FLRT2: variants seen among roughly 807,000 people sequenced by gnomAD.
FLRT2 encodes the protein leucine-rich repeat transmembrane protein FLRT2.
A neutral mutation model predicts 40.0 loss-of-function variants in FLRT2; 15 were observed. The observed-to-expected ratio is 0.38, with a 90% CI of 0.25 to 0.58. The LOEUF (loss-of-function observed/expected upper bound fraction) is 0.58. FLRT2 is among the 20% of genes least tolerant of loss of function. The probability of loss-of-function intolerance (pLI) is 0.71; values close to 1 mark genes in which losing one functional copy is unlikely to be tolerated. For missense variants in FLRT2, 726 were observed against 840.0 expected, an observed-to-expected ratio of 0.86 and a Z score of 1.68; for synonymous variants, 380 against 336.8, an observed-to-expected ratio of 1.13 and a Z score of -1.41.
intron 1 of FLRT2, among the ~76,000 whole-genome samples, chr14:85,588,042 C>T (rs1326797300): frequency 6.6e-6 from 1 of 152,124 alleles, no homozygotes. Context: ...TGCCATTCTC[C>T]TGCCTCAGCC....
In FLRT2 at chr14:85,626,101, T is replaced by C. The variant is rs1893672284; in HGVS notation, c.*2604T>C. On this transcript the variant is annotated 3_prime_UTR_variant, in exon 2 of 2. Coordinates refer to ENST00000330753, the MANE Select transcript of FLRT2 (RefSeq NM_013231.6). Reference sequence around the variant, plus strand: ...CTTTATTTTCACCTTGTGTACAACATGGCAAAGACTGCTAAGATTAAAATC... The same window carrying C: ...CTTTATTTTCACCTTGTGTACAACACGGCAAAGACTGCTAAGATTAAAATC... 1 of 167,068 alleles carries C rather than the reference T, an allele frequency of 6.0e-6. No individual in the cohort carries two copies. The highest frequency in any genetic ancestry group is 2.1e-4 in the South Asian group (1 of 4,826). 10.3% of individuals were successfully genotyped at this position (167,068 alleles called of 1,614,324 possible).
Position 85,622,034 on chromosome 14 carries a change from G to A in FLRT2, c.520G>A (p.Val174Met). The change falls in exon 2 of 2, where the codon GTG becomes ATG. Residue 174 changes from valine (V) to methionine (M), a missense_variant. Val to Met is a conservative substitution (Grantham distance 21). This residue lies in a region of FLRT2 where 611 missense variants were observed against 690.0 expected (regional missense o/e 0.89). Coordinates refer to ENST00000330753, the MANE Select transcript of FLRT2 (RefSeq NM_013231.6). ...LFLSKNHLSS[V>M]PVGLPVDLQE... ...TTTGTCTAAGAATCACCTGAGCAGT[G>A]TGCCTGTTGGGCTTCCTGTGGACTT... The A allele has an allele frequency of 6.2e-7, 1 of 1,613,650 alleles. No homozygotes were observed. Among genetic ancestry groups the A allele is most frequent in the Non-Finnish European group, 8.5e-7 (1 of 1,179,778 alleles).
intron 1 of FLRT2, among the ~76,000 whole-genome samples, chr14:85,540,700 T>C (rs1888936004): frequency 6.9e-6 from 1 of 144,616 alleles, no homozygotes; most frequent in Non-Finnish European, 1.5e-5. Flanking sequence ...TTGTCGGAGT[T>C]CTGACACTTG....
chr14:85,620,358 T>C (rs984110418), intron 1 of FLRT2, among the ~76,000 whole-genome samples: 1 of 152,170 alleles, frequency 6.6e-6, no homozygotes, highest in African/African-American at 2.4e-5. Flanking sequence ...AGTATATGTA[T>C]AGAAAAAAGG....
At chr14:85,562,323 G>A (rs978324614) in intron 1 of FLRT2, among the ~76,000 whole-genome samples, 7 of 152,156 alleles carry the variant, frequency 4.6e-5, no homozygotes, top group Admixed American at 3.9e-4. Flanking sequence ...TAACTCAAAT[G>A]CTACATAACA....
chr14:85,582,624 T>A (rs1891441142), intron 1 of FLRT2, among the ~76,000 whole-genome samples: 1 of 152,150 alleles, frequency 6.6e-6, no homozygotes. Flanking sequence ...TGAAGACATC[T>A]CAAATAAGGT....
chr14:85,543,282 G>A (rs1440242162), intron 1 of FLRT2, among the ~76,000 whole-genome samples: 1 of 152,056 alleles, frequency 6.6e-6, no homozygotes. Flanking sequence ...TCTGACCGGA[G>A]AATCAGTGCT....
At chr14:85,570,561 TTTTATTTATTTATTTA>T (rs10684274) in intron 1 of FLRT2, among the ~76,000 whole-genome samples, 1 of 139,246 alleles carries the variant, frequency 7.2e-6, no homozygotes, top group Non-Finnish European at 1.5e-5. Context: ...TTTTTATTTA[TTTTATTTATTTATTTA>T]TTTATTTATT....
At chr14:85,536,847 G>A (rs1250101683) in intron 1 of FLRT2, among the ~76,000 whole-genome samples, 4 of 152,186 alleles carry the variant, frequency 2.6e-5, no homozygotes, top group African/African-American at 7.2e-5. Flanking sequence ...ATTCCATATA[G>A]CATTGACAGT....
chr14:85,634,725 T>C lies in FLRT2; in HGVS notation c.*11228T>C, dbSNP rs1893962185. ...ACACTCACCTCAACAGTAACCATAC[T>C]GCACAGTGCCTGACACATATAAAGT... On this transcript the variant is annotated 3_prime_UTR_variant, in exon 2 of 2. Coordinates refer to ENST00000330753, the MANE Select transcript of FLRT2 (RefSeq NM_013231.6). 6.6e-6 allele frequency: 1 copy of C among 152,204 alleles called. No homozygotes were observed. Among genetic ancestry groups the C allele is most frequent in the Non-Finnish European group, 1.5e-5 (1 of 68,040 alleles). The allele number at this position is 152,204 out of a possible 1,614,324, so 9.4% of individuals were successfully genotyped here. A position where few individuals can be genotyped will look rare whatever the true frequency, so the allele number is the denominator to read the frequency against.
chr14:85,623,016 A>G lies in FLRT2; in HGVS notation c.1502A>G (p.Tyr501Cys), dbSNP rs1893488147. The G allele has an allele frequency of 6.2e-6, 10 of 1,614,040 alleles. No individual in the cohort carries two copies. Among genetic ancestry groups the G allele is most frequent in the Non-Finnish European group, 8.5e-6 (10 of 1,180,000 alleles). Reference protein sequence around the residue: ...ICLVPLDAFNYRAVEDTICSE... With the variant: ...ICLVPLDAFNCRAVEDTICSE... ...TTAGTGCCACTGGATGCTTTTAACT[A>G]CCGCGCGGTAGAAGACACCATTTGT... The change falls in exon 2 of 2, where the codon TAC becomes TGC. Residue 501 changes from tyrosine (Y) to cysteine (C), a missense_variant. Tyr to Cys is a radical substitution (Grantham distance 194). This residue lies in a region of FLRT2 where 611 missense variants were observed against 690.0 expected (regional missense o/e 0.89). Transcript: ENST00000330753.
At chr14:85,572,482 T>C (rs1465525851) in intron 1 of FLRT2, among the ~76,000 whole-genome samples, 1 of 152,238 alleles carries the variant, frequency 6.6e-6, no homozygotes, top group African/African-American at 2.4e-5. Context: ...AGTAATTTTT[T>C]GTACTGTCTG....
intron 1 of FLRT2, among the ~76,000 whole-genome samples, chr14:85,618,179 C>T (rs1893218478): frequency 6.6e-6 from 1 of 152,186 alleles, no homozygotes; most frequent in South Asian, 2.1e-4. Context: ...AGTTGATGAA[C>T]TCTAAGCAAA....
chr14:85,558,023 A>ATAGACTTCCGTGGAAAGCATCCG (rs1566726497), intron 1 of FLRT2, among the ~76,000 whole-genome samples: 4 of 152,142 alleles, frequency 2.6e-5, no homozygotes, highest in African/African-American at 9.7e-5. Flanking sequence ...GAAAGCATCC[A>ATAGACTTCCGTGGAAAGCATCCG]TAGACTTCCG....
At position 85,623,347 on chromosome 14, in the gene FLRT2, CT is replaced by C; in HGVS notation, c.1835del (p.Leu612Ter). On this transcript the variant is annotated frameshift_variant, in exon 2 of 2. Transcript: ENST00000330753. LOFTEE classifies it high-confidence loss of function. ...MTETSFQIVS[L>X]NNDQLLKGDF... The stretch of plus-strand genomic sequence containing the variant: ...CAGAAACCAGTTTTCAGATCGTCTC[CT>C]TAAATAACGATCAACTCCTTAAAGG... The C allele has an allele frequency of 6.6e-7, 1 of 1,523,586 alleles. No individual in the cohort carries two copies. Among genetic ancestry groups the C allele is most frequent in the South Asian group, 1.3e-5 (1 of 75,740 alleles). 94.4% of individuals were successfully genotyped at this position (1,523,586 alleles called of 1,614,324 possible).
In FLRT2 at chr14:85,623,143, G is replaced by A; in HGVS notation, c.1629G>A (p.Leu543=). The A allele has an allele frequency of 6.3e-7, 1 of 1,598,800 alleles. No individual in the cohort carries two copies. Among genetic ancestry groups the A allele is most frequent in the Non-Finnish European group, 8.5e-7 (1 of 1,171,710 alleles). ...ACAGCATGGGCTCCCCCTTTCTGCT[G>A]GCGGGCTTGATCGGGGGCGCGGTGA... ...TSHSMGSPFL[L]AGLIGGAVIF... The change falls in exon 2 of 2, where the codon CTG becomes CTA. Residue 543 remains leucine (L), a synonymous_variant. Transcript: ENST00000330753.
In FLRT2 at chr14:85,544,795, G is replaced by A. The variant is rs573759292; in HGVS notation, c.-377+14261G>A. ...TTCAAACAATACTTTGTTAAGTTTC[G>A]CGGTAGATTGCCATTTGATGGACAA... On this transcript the variant is annotated intron_variant, in intron 1 of 1. Coordinates refer to ENST00000330753, the MANE Select transcript of FLRT2 (RefSeq NM_013231.6). Among the ~76,000 whole-genome samples the A allele has an allele frequency of 1.2e-4, 18 of 152,240 alleles. 1 individual carries two copies. The highest frequency in any genetic ancestry group is 3.9e-4 in the East Asian group (2 of 5,176).
At position 85,625,427 on chromosome 14, in the gene FLRT2, T is replaced by G. The variant is rs1228878307; in HGVS notation, c.*1930T>G. 1.8e-5 allele frequency: 3 copies of G among 166,926 alleles called. No individual in the cohort carries two copies. Among genetic ancestry groups the G allele is most frequent in the African/African-American group, 7.2e-5 (3 of 41,440 alleles). 10.3% of individuals were successfully genotyped at this position (166,926 alleles called of 1,614,324 possible). ...ATTTTCTTTAATAATATAGCCCAAC[T>G]TATATGTTTTAATCTCCCTTGTCCC... On this transcript the variant is annotated 3_prime_UTR_variant, in exon 2 of 2. Transcript: ENST00000330753.
intron 1 of FLRT2, among the ~76,000 whole-genome samples, chr14:85,564,202 C>T (rs1440890658): frequency 6.6e-6 from 1 of 152,164 alleles, no homozygotes. Context: ...AGCCAAATGG[C>T]ATTGTTTTCT....
Sources: gnomAD v4.1 joint callset for allele counts (sites outside exome capture counted in the v4.1 genomes callset) on GRCh38, gnomAD v4.1.1 for gene constraint, gnomAD v4.1.1 regional missense constraint, MANE v1.5 for transcripts, NCBI Gene and HGNC (gene_info 2026-07-23, HGNC 2026-07-21) for gene names.